ZNF385D: variants seen among roughly 807,000 people sequenced by gnomAD.
ZNF385D encodes the protein zinc finger protein 385D.
ZNF385D carries 15 observed loss-of-function variants against 35.8 expected under a neutral mutation model. That is an observed-to-expected ratio of 0.42 (90% CI 0.28 to 0.64). The LOEUF (loss-of-function observed/expected upper bound fraction) is 0.64, where lower values mean the gene tolerates loss of function less well. ZNF385D is among the 30% of genes least tolerant of loss of function. ZNF385D has a pLI of 0.23. For synonymous variants in ZNF385D, 212 were observed against 186.8 expected (o/e 1.13, Z -1.10); for missense variants, 474 against 494.6 (o/e 0.96, Z 0.39).
At chr3:21,665,580 C>T (rs992876125) in intron 1 of ZNF385D, among the ~76,000 whole-genome samples, 1 of 152,174 alleles carries the variant, frequency 6.6e-6, no homozygotes, top group African/African-American at 2.4e-5. Flanking sequence ...ACCAGCAAAA[C>T]CAGTGCTACG....
chr3:21,462,714 G>T (rs373135044), intron 4 of ZNF385D, among the ~76,000 whole-genome samples: 1 of 152,206 alleles, frequency 6.6e-6, no homozygotes. Context: ...AGGCACGGTG[G>T]CTTACGCCTG....
At chr3:21,915,069 G>GA (rs5847152) in intron 3 of ZNF385D, among the ~76,000 whole-genome samples, 135,675 of 148,886 alleles carry the variant, frequency 0.91, 62,943 homozygotes, top group East Asian at 1. Flanking sequence ...AGTAGAAATA[G>GA]AAAAAAAAAA....
At chr3:22,252,146 A>G (rs1398568109) in intron 2 of ZNF385D, among the ~76,000 whole-genome samples, 2 of 151,902 alleles carry the variant, frequency 1.3e-5, no homozygotes, top group Non-Finnish European at 2.9e-5. Flanking sequence ...TGTAAACATT[A>G]GACTGTGATA....
rs577382243 is a variant in ZNF385D at position 22,078,268 on chromosome 3, T to C, written c.325+90549A>G. ...ATTTGGTTGTTTGGTGTCTATATTTTGAGAAAAAAATATGTTGACAAATTA... is the reference window on the plus strand; with the variant it reads ...ATTTGGTTGTTTGGTGTCTATATTTCGAGAAAAAAATATGTTGACAAATTA... On this transcript the variant is annotated intron_variant, in intron 3 of 5. Transcript: ENST00000494108. Among the ~76,000 whole-genome samples, 6 of 152,106 alleles carry C rather than the reference T, an allele frequency of 3.9e-5. No homozygotes were observed. The East Asian group carries it at 1.2e-3, about 29-fold the overall frequency.
intron 3 of ZNF385D, among the ~76,000 whole-genome samples, chr3:21,779,564 T>C (rs1417130443): frequency 6.6e-6 from 1 of 151,964 alleles, no homozygotes; most frequent in African/African-American, 2.4e-5. Context: ...ATACAATAGG[T>C]GTTTCTGAAC....
chr3:22,230,988 A>G (rs533904538), intron 2 of ZNF385D, among the ~76,000 whole-genome samples: 20 of 152,134 alleles, frequency 1.3e-4, no homozygotes, highest in Middle Eastern at 3.4e-3. Flanking sequence ...CAGAAGGGCA[A>G]TCTCTCTTGG....
intron 3 of ZNF385D, among the ~76,000 whole-genome samples, chr3:22,135,847 C>G (rs1032910773): frequency 5.3e-5 from 8 of 152,236 alleles, no homozygotes; most frequent in African/African-American, 1.7e-4. Context: ...CCAACTGATA[C>G]TTGTCAAAGT....
chr3:22,364,926 A>G (rs182825048), intron 2 of ZNF385D, among the ~76,000 whole-genome samples: 2 of 152,246 alleles, frequency 1.3e-5, no homozygotes, highest in African/African-American at 4.8e-5. Flanking sequence ...CTTAAAAAGG[A>G]AGGAAATTCT....
rs117343346 is a variant in ZNF385D at position 22,200,921 on chromosome 3, C to G, written c.107-31886G>C. On this transcript the variant is annotated intron_variant, in intron 2 of 5. Transcript: ENST00000494108. ...GGTTATCTCTCTTGTTCCCTCAACA[C>G]TGCTGTTACCCTGGTCTTTTTTCAA... Among the ~76,000 whole-genome samples, 223 of 152,282 alleles carry G rather than the reference C, an allele frequency of 1.5e-3. 2 individuals carry two copies. In the East Asian group the frequency reaches 0.029, roughly 20 times the overall value.
intron 3 of ZNF385D, among the ~76,000 whole-genome samples, chr3:21,771,245 A>T (rs955853199): frequency 3.9e-5 from 6 of 151,956 alleles, no homozygotes; most frequent in Non-Finnish European, 7.4e-5. Context: ...ATAATAATAA[A>T]AAAAAAAACC....
chr3:22,078,865 T>G (rs978479429), intron 3 of ZNF385D, among the ~76,000 whole-genome samples: 1 of 152,106 alleles, frequency 6.6e-6, no homozygotes, highest in Non-Finnish European at 1.5e-5. Flanking sequence ...ATACAGACTC[T>G]TACACATAAA....
At chr3:21,765,049 A>G (rs1388577881) in intron 3 of ZNF385D, among the ~76,000 whole-genome samples, 2 of 152,170 alleles carry the variant, frequency 1.3e-5, no homozygotes, top group African/African-American at 2.4e-5. Flanking sequence ...TGCAGTGGCC[A>G]GAAATGTTTT....
intron 3 of ZNF385D, among the ~76,000 whole-genome samples, chr3:22,035,422 A>G (rs73822821): frequency 0.045 from 6,846 of 152,312 alleles, 536 homozygotes; most frequent in African/African-American, 0.15. Flanking sequence ...TTCATTAAAA[A>G]CAGAAATCCA....
At chr3:21,579,444 T>C (rs537662010) in intron 2 of ZNF385D, 84 of 152,102 alleles carry the variant, frequency 5.5e-4, no homozygotes, top group African/African-American at 2.0e-3. Context: ...TTTTCTCTTA[T>C]TCTAAAATAT....
intron 3 of ZNF385D, among the ~76,000 whole-genome samples, chr3:21,950,939 G>C (rs1398127373): frequency 6.6e-6 from 1 of 151,676 alleles, no homozygotes; most frequent in Non-Finnish European, 1.5e-5. Flanking sequence ...TGCTGTTTTG[G>C]TTACTGTAGC....
chr3:22,184,386 C>CCT (rs1553624659), intron 2 of ZNF385D, among the ~76,000 whole-genome samples: 1 of 151,900 alleles, frequency 6.6e-6, no homozygotes, highest in Non-Finnish European at 1.5e-5. Flanking sequence ...ATCATTTCAA[C>CCT]ATGTTTTATC....
chr3:22,142,588 C>T (rs113272188), intron 3 of ZNF385D, among the ~76,000 whole-genome samples: 1,583 of 151,966 alleles, frequency 0.01, 27 homozygotes, highest in African/African-American at 0.036. Flanking sequence ...ACGGTGGTCT[C>T]CAACCCGAGA....
intron 3 of ZNF385D, among the ~76,000 whole-genome samples, chr3:22,127,072 A>G (rs1308486684): frequency 6.6e-6 from 1 of 152,058 alleles, no homozygotes; most frequent in East Asian, 1.9e-4. Context: ...GTGTCTTTAC[A>G]GGTGAAATGT....
chr3:21,982,662 G>C (rs192883783), intron 3 of ZNF385D, among the ~76,000 whole-genome samples: 169 of 152,094 alleles, frequency 1.1e-3, no homozygotes, highest in African/African-American at 3.9e-3. Flanking sequence ...GTCTTGAGCT[G>C]GTATTCAAGG....
Sources: gnomAD v4.1 joint callset for allele counts (sites outside exome capture counted in the v4.1 genomes callset) on GRCh38, gnomAD v4.1.1 for gene constraint, MANE v1.5 for transcripts, NCBI Gene and HGNC (gene_info 2026-07-23, HGNC 2026-07-21) for gene names.